MGAT5: variants seen among roughly 807,000 people sequenced by gnomAD.
MGAT5 encodes alpha-1,6-mannosylglycoprotein 6-beta-N-acetylglucosaminyltransferase A.
MGAT5 carries 30 observed loss-of-function variants against 94.3 expected under a neutral mutation model. The observed-to-expected ratio is 0.32, with a 90% confidence interval of 0.24 to 0.43. The LOEUF (loss-of-function observed/expected upper bound fraction) is 0.43, where lower values mean the gene tolerates loss of function less well. MGAT5 is among the 20% of genes least tolerant of loss of function. The pLI, the probability that MGAT5 is intolerant of heterozygous loss-of-function variation, is 1.00. For synonymous variants in MGAT5, 310 were observed against 322.9 expected (o/e 0.96, Z 0.43); for missense variants, 691 against 905.5 (o/e 0.76, Z 3.04).
intron 2 of MGAT5, among the ~76,000 whole-genome samples, chr2:134,276,378 C>T (rs559917860): frequency 2.0e-5 from 3 of 152,190 alleles, no homozygotes; most frequent in African/African-American, 7.2e-5. Flanking sequence ...CCACTAATTC[C>T]GGATAACAAT....
intron 2 of MGAT5, among the ~76,000 whole-genome samples, chr2:134,279,861 G>C (rs967693948): frequency 6.6e-6 from 1 of 152,152 alleles, no homozygotes; most frequent in African/African-American, 2.4e-5. Context: ...ATAGTCCCTT[G>C]TCTGTGCTGT....
At chr2:134,237,123 A>ATGTGTGTGTGTGTGTGTGTGTGTG (rs68003122) in intron 1 of MGAT5, among the ~76,000 whole-genome samples, 21 of 140,718 alleles carry the variant, frequency 1.5e-4, no homozygotes, top group African/African-American at 5.4e-4. Flanking sequence ...GAAGGAGTAT[A>ATGTGTGTGTGTGTGTGTGTGTGTG]TGTGTGTGTG....
intron 13 of MGAT5, among the ~76,000 whole-genome samples, chr2:134,424,400 A>G (rs66496166): frequency 0.13 from 19,698 of 152,078 alleles, 1,691 homozygotes; most frequent in East Asian, 0.31. Flanking sequence ...ATGGGGCTTT[A>G]GTGTCAGCTT....
At chr2:134,228,555 C>T (rs1444551694) in intron 1 of MGAT5, among the ~76,000 whole-genome samples, 1 of 152,130 alleles carries the variant, frequency 6.6e-6, no homozygotes, top group Non-Finnish European at 1.5e-5. Flanking sequence ...GGATCTGGGC[C>T]TCTTGAATAT....
At position 134,441,796 on chromosome 2, in the gene MGAT5, C is replaced by T. The variant is rs147167219; in HGVS notation, c.1908C>T (p.Ser636=). Residue 636 remains serine (S), a synonymous_variant, in exon 15 of 16, where the codon AGC becomes AGT. Transcript: ENST00000281923. ...CHGQVMWPPL[S]ALQVKLAEPG... is the part of the protein sequence containing the mutation. Reference sequence around the variant, plus strand: ...GGCAAGTGATGTGGCCACCCCTCAGCGCCCTACAGGTCAAGCTTGCTGAGC... The same window carrying T: ...GGCAAGTGATGTGGCCACCCCTCAGTGCCCTACAGGTCAAGCTTGCTGAGC... The T allele has an allele frequency of 2.3e-5, 37 of 1,614,074 alleles. No homozygotes were observed. The highest frequency in any genetic ancestry group is 3.0e-5 in the Non-Finnish European group (35 of 1,179,956).
chr2:134,262,732 T>C (rs1305614832), intron 1 of MGAT5, among the ~76,000 whole-genome samples: 3 of 152,238 alleles, frequency 2.0e-5, no homozygotes, highest in Non-Finnish European at 4.4e-5. Context: ...TCACTAACTC[T>C]GGCTTGAATG....
chr2:134,252,595 A>G (rs1452958244), upstream of MGAT5, among the ~76,000 whole-genome samples: 1 of 152,112 alleles, frequency 6.6e-6, no homozygotes, highest in Non-Finnish European at 1.5e-5. Flanking sequence ...GAGAATTCAC[A>G]TTTCTCACTG....
At chr2:134,443,266 T>C (rs1181991742) in intron 15 of MGAT5, among the ~76,000 whole-genome samples, 3 of 152,144 alleles carry the variant, frequency 2.0e-5, no homozygotes, top group Admixed American at 1.3e-4. Context: ...CTTGGCTTAC[T>C]GTAACCTCCA....
chr2:134,202,096 A>G (rs1027389518), intron 1 of MGAT5, among the ~76,000 whole-genome samples: 17 of 152,006 alleles, frequency 1.1e-4, no homozygotes, highest in African/African-American at 3.9e-4. Flanking sequence ...TCTATCTATG[A>G]CATCCTCTCT....
intron 8 of MGAT5, among the ~76,000 whole-genome samples, chr2:134,346,014 TA>T (rs904941852): frequency 1.3e-5 from 2 of 152,164 alleles, no homozygotes; most frequent in Admixed American, 6.5e-5. Context: ...CACATAAATA[TA>T]AAAAAAGCAA....
intron 14 of MGAT5, among the ~76,000 whole-genome samples, chr2:134,440,061 G>A (rs935014362): frequency 6.6e-6 from 1 of 152,190 alleles, no homozygotes; most frequent in Non-Finnish European, 1.5e-5. Flanking sequence ...GGTACTCCAT[G>A]TTACTGCTCA....
intron 1 of MGAT5, among the ~76,000 whole-genome samples, chr2:134,246,238 C>T (rs1435549457): frequency 6.7e-6 from 1 of 149,734 alleles, no homozygotes; most frequent in Non-Finnish European, 1.5e-5. Flanking sequence ...ATTTCTTGGG[C>T]AGCACCCTGC....
At chr2:134,329,100 C>T (rs747041908) in intron 4 of MGAT5, among the ~76,000 whole-genome samples, 4 of 151,778 alleles carry the variant, frequency 2.6e-5, no homozygotes, top group Non-Finnish European at 4.4e-5. Context: ...TGTTTGTCTA[C>T]GGTTAAAATG....
intron 15 of MGAT5, among the ~76,000 whole-genome samples, chr2:134,448,196 G>A (rs185111444): frequency 2.6e-4 from 39 of 152,304 alleles, no homozygotes; most frequent in East Asian, 1.4e-3. Context: ...TTCACCTCCC[G>A]TGTGCACACT....
chr2:134,222,634 G>T (rs559384446), intron 1 of MGAT5, among the ~76,000 whole-genome samples: 1 of 152,240 alleles, frequency 6.6e-6, no homozygotes, highest in East Asian at 1.9e-4. Flanking sequence ...CATCACTTTT[G>T]TATTGCACCA....
At chr2:134,148,545 G>C in intron 1 of MGAT5, among the ~76,000 whole-genome samples, 1 of 152,192 alleles carries the variant, frequency 6.6e-6, no homozygotes, top group East Asian at 1.9e-4. Flanking sequence ...CTGTGCAGGA[G>C]AGCATGGCTC....
chr2:134,192,572 T>C (rs1679280208), intron 1 of MGAT5, among the ~76,000 whole-genome samples: 1 of 152,216 alleles, frequency 6.6e-6, no homozygotes, highest in African/African-American at 2.4e-5. Flanking sequence ...CTCGTATTAT[T>C]GTATCAGATA....
rs147380416 is a variant in MGAT5 at position 134,341,624 on chromosome 2, C to G, written c.842C>G (p.Ser281Cys). 3.1e-6 allele frequency: 5 copies of G among 1,613,252 alleles called. No homozygotes were observed. The highest frequency in any genetic ancestry group is 3.4e-6 in the Non-Finnish European group (4 of 1,179,662). Reference sequence around the variant, plus strand: ...CACCTGGGACTCCTGACCAAGGAATCTGGATTTAAGATTGCAGAGACAGCT... The same window carrying G: ...CACCTGGGACTCCTGACCAAGGAATGTGGATTTAAGATTGCAGAGACAGCT... ...LVHLGLLTKESGFKIAETAFS... is the reference protein window; with the variant it reads ...LVHLGLLTKECGFKIAETAFS... Residue 281 changes from serine to cysteine, a missense_variant, in exon 7 of 16, where the codon TCT (serine) becomes TGT (cysteine). Coordinates refer to ENST00000281923, the MANE Select transcript of MGAT5 (RefSeq NM_002410.5).
chr2:134,131,025 C>T (rs1573712707), intron 1 of MGAT5, among the ~76,000 whole-genome samples: 1 of 152,200 alleles, frequency 6.6e-6, no homozygotes, highest in South Asian at 2.1e-4. Flanking sequence ...GGTCCCCTTC[C>T]ATAGTGTGGA....
Sources: allele counts gnomAD v4.1 joint callset (sites outside exome capture counted in the v4.1 genomes callset), GRCh38; gene constraint gnomAD v4.1.1; transcripts MANE v1.5; gene names NCBI Gene and HGNC (gene_info 2026-07-23, HGNC 2026-07-21).